The following KAZN variants were observed in gnomAD, a reference collection of about 807,000 sequenced individuals.
The protein encoded by KAZN is kazrin, periplakin interacting protein, also known as kazrin.
A neutral mutation model predicts 87.4 loss-of-function variants in KAZN; 40 were observed. That is an observed-to-expected ratio of 0.46 (90% CI 0.36 to 0.60). The LOEUF is 0.60. KAZN is among the 20% of genes least tolerant of loss of function. The probability of loss-of-function intolerance (pLI) is 0.00; values close to 1 mark genes in which losing one functional copy is unlikely to be tolerated. For synonymous variants in KAZN, 466 were observed against 458.3 expected, an observed-to-expected ratio of 1.02 and a Z score of -0.22; for missense variants, 898 against 1,073.9, an observed-to-expected ratio of 0.84 and a Z score of 2.29.
At chr1:14,983,639 T>A (rs953682782) in intron 2 of KAZN, among the ~76,000 whole-genome samples, 9 of 152,170 alleles carry the variant, frequency 5.9e-5, no homozygotes, top group African/African-American at 2.2e-4. Context: ...CTTTGTAGGA[T>A]ACATTCTAAA....
chr1:15,077,683 A>G lies in KAZN; in HGVS notation c.1222+11930A>G, dbSNP rs1272248364. On this transcript the variant is annotated intron_variant, in intron 8 of 14. Coordinates refer to ENST00000376030, the MANE Select transcript of KAZN (RefSeq NM_201628.3). The surrounding 1 kb of genome is among the most constrained non-coding windows in gnomAD (Gnocchi z 4.8). ...TTGGGGGTTTCACCTTCAGGTGAAG[A>G]TGTTGATGGGCCTGACAATAGGGTG... 3.3e-5 allele frequency among the ~76,000 whole-genome samples: 5 copies of G among 152,144 alleles called. No individual in the cohort carries two copies. The highest frequency in any genetic ancestry group is 7.3e-5 in the Non-Finnish European group (5 of 68,030).
chr1:14,940,886 C>T (rs1317420679), intron 1 of KAZN, among the ~76,000 whole-genome samples: 1 of 129,556 alleles, frequency 7.7e-6, no homozygotes, highest in Non-Finnish European at 1.6e-5. Context: ...AGACAGATGT[C>T]ATTCTACCTT....
intron 2 of KAZN, among the ~76,000 whole-genome samples, chr1:14,391,887 C>T (rs1252861030): frequency 2.0e-5 from 3 of 152,136 alleles, no homozygotes; most frequent in Non-Finnish European, 2.9e-5. Context: ...TTTCACTCCT[C>T]ACAATGTCAA....
chr1:15,067,064 T>C (rs1639274153), intron 8 of KAZN: 1 of 985,748 alleles, frequency 1.0e-6, no homozygotes. Flanking sequence ...GGCCTGAGTC[T>C]GTTCTCCGAG....
At chr1:14,729,447 G>A (rs1643574531) in intron 1 of KAZN, among the ~76,000 whole-genome samples, 1 of 152,182 alleles carries the variant, frequency 6.6e-6, no homozygotes, top group South Asian at 2.1e-4. Context: ...TGCTTTTATA[G>A]GCGACCCTAA....
chr1:14,987,830 G>T (rs1232145792), intron 2 of KAZN, among the ~76,000 whole-genome samples: 1 of 152,272 alleles, frequency 6.6e-6, no homozygotes, highest in Non-Finnish European at 1.5e-5. Context: ...GAATAGATCA[G>T]GGGTGTAGGG....
At chr1:14,526,910 G>A (rs1671897962) in intron 2 of KAZN, among the ~76,000 whole-genome samples, 1 of 152,238 alleles carries the variant, frequency 6.6e-6, no homozygotes, top group Non-Finnish European at 1.5e-5. Context: ...CAGAGGAGAT[G>A]TTATAGTGCG....
intron 1 of KAZN, among the ~76,000 whole-genome samples, chr1:14,076,941 T>C (rs1199021162): frequency 3.9e-5 from 6 of 152,152 alleles, no homozygotes; most frequent in Admixed American, 3.3e-4. Flanking sequence ...AGAGGAGGAC[T>C]GTCGCTTGCC....
chr1:15,047,013 T>C (rs1272487944), intron 4 of KAZN, among the ~76,000 whole-genome samples: 2 of 152,236 alleles, frequency 1.3e-5, no homozygotes, highest in Non-Finnish European at 2.9e-5. Flanking sequence ...CCACTGCGTC[T>C]GGACACTCAG....
chr1:14,794,111 G>C (rs1645762253), intron 1 of KAZN, among the ~76,000 whole-genome samples: 1 of 152,194 alleles, frequency 6.6e-6, no homozygotes, highest in Non-Finnish European at 1.5e-5. Context: ...GATGCAACCT[G>C]GTTTGGAGGT....
chr1:14,882,960 C>A (rs779203962), intron 1 of KAZN, among the ~76,000 whole-genome samples: 12 of 152,076 alleles, frequency 7.9e-5, no homozygotes, highest in Non-Finnish European at 1.8e-4. Context: ...ATTCAGACAT[C>A]TCTCTCCAGA....
At chr1:14,915,183 G>A (rs928871589) in intron 1 of KAZN, among the ~76,000 whole-genome samples, 13 of 152,076 alleles carry the variant, frequency 8.5e-5, no homozygotes, top group East Asian at 3.9e-4. Context: ...GCGAAACTCC[G>A]CCTCAAAAGA....
chr1:14,205,146 C>T (rs1048504153), intron 2 of KAZN, among the ~76,000 whole-genome samples: 2 of 152,168 alleles, frequency 1.3e-5, no homozygotes, highest in Non-Finnish European at 2.9e-5. Flanking sequence ...ACTGAGCAGC[C>T]ATCACTTACA....
At chr1:14,978,258 A>T (rs1665868205) in intron 2 of KAZN, among the ~76,000 whole-genome samples, 1 of 152,142 alleles carries the variant, frequency 6.6e-6, no homozygotes, top group Non-Finnish European at 1.5e-5. Context: ...GAGCAACTTC[A>T]GCCCAGCCTT....
At chr1:14,235,512 AG>A (rs1454362456) in intron 2 of KAZN, among the ~76,000 whole-genome samples, 7 of 152,196 alleles carry the variant, frequency 4.6e-5, no homozygotes, top group African/African-American at 1.7e-4. Context: ...ATAGCAAAAA[AG>A]AAGCTTCTAA....
chr1:14,501,612 G>A (rs1307753007), intron 2 of KAZN, among the ~76,000 whole-genome samples: 2 of 152,064 alleles, frequency 1.3e-5, no homozygotes, highest in Non-Finnish European at 2.9e-5. Context: ...TCTACACTAA[G>A]GACTACAAAA....
At chr1:15,034,727 T>C in intron 2 of KAZN, 22 bp from the exon 3 acceptor site, 1 of 1,613,910 alleles carries the variant, frequency 6.2e-7, no homozygotes, top group Non-Finnish European at 8.5e-7. Flanking sequence ...TCTTGGGAAC[T>C]AACTCTCTCC....
intron 2 of KAZN, among the ~76,000 whole-genome samples, chr1:14,201,388 G>A (rs1646636220): frequency 6.6e-6 from 1 of 152,174 alleles, no homozygotes; most frequent in African/African-American, 2.4e-5. Context: ...TCTAATTCCA[G>A]AGCATCGGAC....
At chr1:14,928,189 A>G (rs6429686) in intron 1 of KAZN, among the ~76,000 whole-genome samples, 48,928 of 152,070 alleles carry the variant, frequency 0.32, 8,754 homozygotes, top group African/African-American at 0.47. Context: ...AGTGGCTCAC[A>G]CCTGTAATCC....
Sources: allele counts gnomAD v4.1 joint callset (sites outside exome capture counted in the v4.1 genomes callset), GRCh38; gene constraint gnomAD v4.1.1; non-coding constraint Gnocchi (gnomAD v3.1); transcripts MANE v1.5; gene names NCBI Gene and HGNC (gene_info 2026-07-23, HGNC 2026-07-21).